Variants in PROSER3 observed in about 807,000 individuals in gnomAD.
The protein encoded by PROSER3 is proline and serine-rich protein 3.
A neutral mutation model predicts 50.2 loss-of-function variants in PROSER3; 33 were observed. That is an observed-to-expected ratio of 0.66 (90% CI 0.50 to 0.88). The LOEUF (loss-of-function observed/expected upper bound fraction) is 0.88, where lower values mean the gene tolerates loss of function less well. Among genes scored for constraint, PROSER3 ranks in the 40% least tolerant of loss-of-function variants. The pLI, the probability that PROSER3 is intolerant of heterozygous loss-of-function variation, is 0.00. For synonymous variants in PROSER3, 266 were observed against 259.3 expected (o/e 1.03, Z -0.25); for missense variants, 623 against 612.7 (o/e 1.02, Z -0.18).
chr19:35,758,761 G>A (rs575457564), intron 1 of PROSER3: 2 of 153,538 alleles, frequency 1.3e-5, no homozygotes, highest in African/African-American at 2.4e-5. Context: ...CTCTGCCCCC[G>A]GGTTAAAGCA....
In PROSER3 at chr19:35,767,723, G is replaced by A. The variant is rs1351455675; in HGVS notation, c.958-81G>A. 8 of 1,521,008 alleles carry A rather than the reference G, an allele frequency of 5.3e-6. No individual in the cohort carries two copies. The South Asian group carries it at 6.4e-5, about 12-fold the overall frequency. The allele number at this position is 1,521,008 out of a possible 1,614,324, so 94.2% of individuals were successfully genotyped here. A position where few individuals can be genotyped will look rare whatever the true frequency, so the allele number is the denominator to read the frequency against. ...CTTCGAGGGCCCCCCTCCACCCAAG[G>A]CTGGATCTCCGAAAGTCCAGGCCAC... is the stretch of plus-strand genomic sequence containing the variant. On this transcript the variant is annotated intron_variant, in intron 8 of 10. Coordinates refer to ENST00000396908, the Ensembl canonical transcript of PROSER3.
intron 8 of PROSER3, chr19:35,767,773 C>G (rs1260306630): frequency 1.3e-6 from 2 of 1,594,672 alleles, no homozygotes; most frequent in Non-Finnish European, 1.7e-6. Flanking sequence ...AGGTCACTCC[C>G]CCTCCATCTG....
At chr19:35,760,038 G>A in intron 3 of PROSER3, 47 bp downstream of exon 3, 5 of 1,455,128 alleles carry the variant, frequency 3.4e-6, no homozygotes, top group African/African-American at 1.4e-5. Flanking sequence ...GGGTTAGAGG[G>A]AGGGAGAAGG....
chr19:35,762,295 C>G, exon 5 of PROSER3: 1 of 1,611,956 alleles, frequency 6.2e-7, no homozygotes, highest in Non-Finnish European at 8.5e-7. Context: ...ACAGCTGTCC[C>G]TACTGCGGTC....
intron 1 of PROSER3, 29 bp downstream of exon 1, chr19:35,758,255 C>A (rs368833431): frequency 1.3e-6 from 2 of 1,560,506 alleles, no homozygotes; most frequent in Non-Finnish European, 1.7e-6. Context: ...CCAGGGACTA[C>A]AGGAGGCTGG....
At chr19:35,768,500 G>A in exon 11 of PROSER3, 1 of 1,598,198 alleles carries the variant, frequency 6.3e-7, no homozygotes, top group Non-Finnish European at 8.5e-7. Context: ...CCCCAAGGAG[G>A]CTGCTAAGAA....
At chr19:35,767,621 CCTCAG>C in intron 8 of PROSER3, 1 of 727,800 alleles carries the variant, frequency 1.4e-6, no homozygotes, top group Admixed American at 3.1e-5. Flanking sequence ...GGGACCTGGC[CCTCAG>C]CTCAGGGGTG....
At position 35,764,846 on chromosome 19, in the gene PROSER3, C is replaced by A. The variant is rs1289104790; in HGVS notation, c.544-8C>A. ...TTGGGGCTGGCGTCTGACCCTGTCACCCTGCAGAACCTCCACACATGGAAC... is the reference window on the plus strand; with the variant it reads ...TTGGGGCTGGCGTCTGACCCTGTCAACCTGCAGAACCTCCACACATGGAAC... On this transcript the variant is annotated splice_region_variant and splice_polypyrimidine_tract_variant and intron_variant, in intron 5 of 10. Transcript: ENST00000396908. 1 of 1,612,108 alleles carries A rather than the reference C, an allele frequency of 6.2e-7. No individual in the cohort carries two copies. Among genetic ancestry groups the A allele is most frequent in the East Asian group, 2.2e-5 (1 of 44,830 alleles).
At chr19:35,762,281 C>T in exon 5 of PROSER3, 1 of 1,612,406 alleles carries the variant, frequency 6.2e-7, no homozygotes. Context: ...AAGGAAGACC[C>T]CATACAGCTG....
At chr19:35,768,783 C>A in exon 11 of PROSER3, 1 of 411,066 alleles carries the variant, frequency 2.4e-6, no homozygotes, top group Non-Finnish European at 4.1e-6. Flanking sequence ...TCAGACAAGA[C>A]TTCTGGCAAG....
At chr19:35,762,403 A>G (rs1411630242) in intron 5 of PROSER3, 47 bp downstream of exon 5, 3 of 1,481,870 alleles carry the variant, frequency 2.0e-6, no homozygotes, top group African/African-American at 2.8e-5. Context: ...AACTGACAAC[A>G]CCAGCCCTAG....
intron 2 of PROSER3, 37 bp from the exon 3 acceptor site, chr19:35,759,750 CCT>C: frequency 6.6e-7 from 1 of 1,519,624 alleles, no homozygotes. Flanking sequence ...ACCCATGAGA[CCT>C]CACACTTTTT....
At position 35,764,848 on chromosome 19, in the gene PROSER3, C is replaced by T; in HGVS notation, c.544-6C>T. 1 of 1,612,464 alleles carries T rather than the reference C, an allele frequency of 6.2e-7. No individual in the cohort carries two copies. The highest frequency in any genetic ancestry group is 8.5e-7 in the Non-Finnish European group (1 of 1,179,290). On this transcript the variant is annotated splice_region_variant and splice_polypyrimidine_tract_variant and intron_variant, in intron 5 of 10. Transcript: ENST00000396908. Reference sequence around the variant, plus strand: ...GGGGCTGGCGTCTGACCCTGTCACCCTGCAGAACCTCCACACATGGAACTC... The same window carrying T: ...GGGGCTGGCGTCTGACCCTGTCACCTTGCAGAACCTCCACACATGGAACTC...
chr19:35,764,797 AC>A, intron 5 of PROSER3, 56 bp from the exon 6 acceptor site: 1 of 1,494,330 alleles, frequency 6.7e-7, no homozygotes. Flanking sequence ...TCTGTTTAGA[AC>A]CCCCTTCCCA....
intron 5 of PROSER3, 52 bp from the exon 6 acceptor site, chr19:35,764,802 C>T (rs1245627976): frequency 2.0e-6 from 3 of 1,526,176 alleles, no homozygotes; most frequent in African/African-American, 1.4e-5. Flanking sequence ...TTAGAACCCC[C>T]TTCCCAGCAG....
chr19:35,760,004 A>T lies in PROSER3; in HGVS notation c.311+13A>T. Reference sequence around the variant, plus strand: ...CCGTGGTGGCCAAGTAAGTACCAGCAGCCCTGGGGGAAAAAGAGGCTTTGG... The same window carrying T: ...CCGTGGTGGCCAAGTAAGTACCAGCTGCCCTGGGGGAAAAAGAGGCTTTGG... On this transcript the variant is annotated intron_variant, in intron 3 of 10. Coordinates refer to ENST00000396908, the Ensembl canonical transcript of PROSER3. The T allele has an allele frequency of 6.4e-7, 1 of 1,555,778 alleles. No homozygotes were observed. The highest frequency in any genetic ancestry group is 8.7e-7 in the Non-Finnish European group (1 of 1,151,434).
chr19:35,763,941 C>G (rs1971052374), intron 5 of PROSER3, among the ~76,000 whole-genome samples: 1 of 151,940 alleles, frequency 6.6e-6, no homozygotes, highest in Admixed American at 6.6e-5. Context: ...CATGCGCCAC[C>G]ATGCCCAGCT....
chr19:35,765,424 G>A (rs541082568), intron 7 of PROSER3, among the ~76,000 whole-genome samples: 3 of 152,242 alleles, frequency 2.0e-5, no homozygotes, highest in African/African-American at 7.2e-5. Flanking sequence ...TTAGCCACGC[G>A]TGGTACATAA....
intron 2 of PROSER3, 114 bp from the exon 3 acceptor site, chr19:35,759,675 A>G: frequency 9.0e-7 from 1 of 1,112,814 alleles, no homozygotes; most frequent in South Asian, 1.5e-5. Context: ...TGTTATCATT[A>G]CAGGATGTGT....
Sources: allele counts gnomAD v4.1 joint callset (sites outside exome capture counted in the v4.1 genomes callset), GRCh38; gene constraint gnomAD v4.1.1; transcripts MANE v1.5; gene names NCBI Gene and HGNC (gene_info 2026-07-23, HGNC 2026-07-21).